SNX25: variants seen among roughly 807,000 people sequenced by gnomAD.
SNX25 encodes the protein sorting nexin 25.
In SNX25, 62 loss-of-function variants were observed where a neutral mutation model predicts 113.7. That is an observed-to-expected ratio of 0.55 (90% CI 0.44 to 0.67). The LOEUF is 0.67. SNX25 is among the 30% of genes least tolerant of loss of function. The pLI, the probability that SNX25 is intolerant of heterozygous loss-of-function variation, is 0.00. For synonymous variants in SNX25, 421 were observed against 436.2 expected (o/e 0.97, Z 0.43); for missense variants, 1,014 against 1,161.0 (o/e 0.87, Z 1.84).
intron 6 of SNX25, among the ~76,000 whole-genome samples, chr4:185,293,167 C>T (rs185828106): frequency 5.9e-5 from 9 of 152,132 alleles, no homozygotes; most frequent in East Asian, 1.9e-4. Context: ...GGTGAGGATA[C>T]GGAGAAACTG....
At chr4:185,365,956 T>G (rs2095386809), downstream of SNX25, 1 of 152,208 alleles carries the variant, frequency 6.6e-6, no homozygotes, top group Admixed American at 6.5e-5. Context: ...TTTCTGCCAT[T>G]CAACAGTTCT....
chr4:185,371,886 G>C (rs535692026), downstream of SNX25, among the ~76,000 whole-genome samples: 33 of 152,126 alleles, frequency 2.2e-4, no homozygotes, highest in Non-Finnish European at 2.9e-4. Flanking sequence ...GCTCGGAGAG[G>C]GGGGAGACCT....
the SNX25 span, chr4:185,378,322 A>C: frequency 1.4e-6 from 2 of 1,460,194 alleles, no homozygotes; most frequent in Admixed American, 5.5e-5. Flanking sequence ...CTCATCGCCT[A>C]GATAGAACAC....
downstream of SNX25, chr4:185,365,712 A>G (rs895873382): frequency 6.6e-6 from 1 of 150,510 alleles, no homozygotes; most frequent in African/African-American, 2.4e-5. Context: ...TAATAATAAT[A>G]ATAATCTTTA....
At position 185,256,504 on chromosome 4, in the gene SNX25, T is replaced by G. The variant is rs551042004; in HGVS notation, c.515-2344T>G. ...TAGAATATTAATACCAAAATTGTGC[T>G]TCCTTTGACCTGTGGGCACTTGCAA... On this transcript the variant is annotated intron_variant, in intron 2 of 18. Coordinates refer to ENST00000652585, the MANE Select transcript of SNX25 (RefSeq NM_001378034.2). Among the ~76,000 whole-genome samples, 4 of 152,262 alleles carry G rather than the reference T, an allele frequency of 2.6e-5. No individual in the cohort carries two copies. In the South Asian group the frequency reaches 8.3e-4, roughly 32 times the overall value.
chr4:185,252,961 T>C lies in SNX25; in HGVS notation c.514+5583T>C, dbSNP rs556466606. On this transcript the variant is annotated intron_variant, in intron 2 of 18. Coordinates refer to ENST00000652585, the MANE Select transcript of SNX25 (RefSeq NM_001378034.2). ...ATATTTTAGGGGTTCAGATCTAATA[T>C]GAATGAACTCTTCTTTTTGAGAAGG... Among the ~76,000 whole-genome samples the C allele has an allele frequency of 2.6e-5, 4 of 152,326 alleles. No homozygotes were observed. In the South Asian group the frequency reaches 8.3e-4, roughly 32 times the overall value.
chr4:185,370,213 C>T (rs1302607439), downstream of SNX25: 4 of 163,818 alleles, frequency 2.4e-5, no homozygotes, highest in African/African-American at 4.8e-5. Flanking sequence ...CTGATTACCT[C>T]AAACTCAAAA....
chr4:185,346,796 T>C (rs2095289220), intron 13 of SNX25, 146 bp downstream of exon 13: 3 of 587,088 alleles, frequency 5.1e-6, no homozygotes, highest in South Asian at 2.5e-5. Context: ...TTTTTTTTAA[T>C]TAAAGGAAAA....
intron 5 of SNX25, among the ~76,000 whole-genome samples, chr4:185,270,985 C>G (rs776431017): frequency 6.6e-5 from 10 of 152,206 alleles, no homozygotes; most frequent in Non-Finnish European, 1.2e-4. Flanking sequence ...CGTTGAGCAT[C>G]TTCAGTGACG....
At chr4:185,316,372 A>C (rs1384630965) in intron 7 of SNX25, among the ~76,000 whole-genome samples, 1 of 152,228 alleles carries the variant, frequency 6.6e-6, no homozygotes, top group African/African-American at 2.4e-5. Flanking sequence ...CATAGAGCTC[A>C]CAGAACTGGA....
rs746779924 is a variant in SNX25, at chr4:185,361,931, C to T, written c.2659C>T (p.Arg887Trp). The T allele has an allele frequency of 3.7e-6, 6 of 1,613,072 alleles. No individual in the cohort carries two copies. Among genetic ancestry groups the T allele is most frequent in the Middle Eastern group, 3.3e-4 (2 of 6,078 alleles). ...ATCTTTTTCTCTTAAAAGACAAATCCGGGACACAGTCAGCTGGATTTTCAG... is the reference window on the plus strand; with the variant it reads ...ATCTTTTTCTCTTAAAAGACAAATCTGGGACACAGTCAGCTGGATTTTCAG... ...TFGRTINKQI[R>W]DTVSWIFSEQ... is the part of the protein sequence containing the mutation. Residue 887 changes from arginine to tryptophan, a missense_variant, in exon 17 of 19, where the codon CGG becomes TGG. Transcript: ENST00000652585.
At chr4:185,372,966 C>A, downstream of SNX25, 2 of 1,614,042 alleles carry the variant, frequency 1.2e-6, no homozygotes, top group African/African-American at 1.3e-5. Flanking sequence ...TTAAGCACTG[C>A]AGGGCAGCTT....
intron 9 of SNX25, among the ~76,000 whole-genome samples, chr4:185,326,308 A>G (rs575149128): frequency 3.9e-5 from 6 of 152,294 alleles, no homozygotes; most frequent in African/African-American, 1.2e-4. Flanking sequence ...CATTTTAGCT[A>G]TTCAAGAGTC....
chr4:185,280,459 G>T (rs3112872), intron 5 of SNX25, among the ~76,000 whole-genome samples: 1 of 151,996 alleles, frequency 6.6e-6, no homozygotes. Context: ...ATAGAAAAAG[G>T]TTATAAAGAT....
chr4:185,338,878 G>A (rs572488396), intron 10 of SNX25, among the ~76,000 whole-genome samples: 12 of 152,256 alleles, frequency 7.9e-5, no homozygotes, highest in African/African-American at 2.9e-4. Context: ...TAGCTTTGTA[G>A]TAAGTTTAGA....
intron 1 of SNX25, among the ~76,000 whole-genome samples, chr4:185,217,955 C>T (rs1054194647): frequency 6.6e-6 from 1 of 152,144 alleles, no homozygotes; most frequent in Non-Finnish European, 1.5e-5. Flanking sequence ...TGTAGGTCAC[C>T]TATGCCACCT....
At chr4:185,282,946 G>A (rs1750838877) in intron 5 of SNX25, among the ~76,000 whole-genome samples, 1 of 152,188 alleles carries the variant, frequency 6.6e-6, no homozygotes, top group South Asian at 2.1e-4. Flanking sequence ...TGGATAGCCA[G>A]CATTTGGATG....
chr4:185,338,817 C>T (rs1012222448), intron 10 of SNX25, among the ~76,000 whole-genome samples: 1 of 152,060 alleles, frequency 6.6e-6, no homozygotes, highest in African/African-American at 2.4e-5. Context: ...GCTATATTCC[C>T]TTGTTCTATA....
intron 18 of SNX25, 97 bp downstream of exon 18, chr4:185,362,808 C>A: frequency 2.6e-5 from 18 of 704,638 alleles, no homozygotes; most frequent in Non-Finnish European, 3.7e-5. Flanking sequence ...GCAGCACTCT[C>A]ATTCTCACAT....
Sources: gnomAD v4.1 joint callset for allele counts (sites outside exome capture counted in the v4.1 genomes callset) on GRCh38, gnomAD v4.1.1 for gene constraint, MANE v1.5 for transcripts, NCBI Gene and HGNC (gene_info 2026-07-23, HGNC 2026-07-21) for gene names.